AMBRA1: variants seen among roughly 807,000 people sequenced by gnomAD.
AMBRA1 encodes the protein autophagy and beclin 1 regulator 1.
AMBRA1 carries 47 observed loss-of-function variants against 125.4 expected under a neutral mutation model. The ratio of observed to expected loss-of-function variants is 0.37; its 90% CI spans 0.30 to 0.48. The LOEUF is 0.48. Ranked by LOEUF, AMBRA1 falls within the 20% of genes least tolerant of loss-of-function variation. The pLI, the probability that AMBRA1 is intolerant of heterozygous loss-of-function variation, is 0.99. For missense variants in AMBRA1, 1,331 were observed against 1,693.4 expected, an observed-to-expected ratio of 0.79 and a Z score of 3.76; for synonymous variants, 626 against 655.5, an observed-to-expected ratio of 0.95 and a Z score of 0.69.
chr11:46,416,132 A>C (rs1431930540), intron 15 of AMBRA1, among the ~76,000 whole-genome samples: 1 of 152,218 alleles, frequency 6.6e-6, no homozygotes, highest in Non-Finnish European at 1.5e-5. Context: ...CTGTAACTGA[A>C]GTGTAAGTAA....
intron 15 of AMBRA1, among the ~76,000 whole-genome samples, chr11:46,416,528 C>A (rs1946554415): frequency 6.6e-6 from 1 of 152,198 alleles, no homozygotes; most frequent in Non-Finnish European, 1.5e-5. Flanking sequence ...GTTTTCCTTT[C>A]TCCTAGGCCA....
intron 1 of AMBRA1, among the ~76,000 whole-genome samples, chr11:46,558,548 C>CA (rs58748629): frequency 0.019 from 748 of 38,676 alleles, 38 homozygotes; most frequent in Non-Finnish European, 0.019. Context: ...GACTCCCTCT[C>CA]AAAAAAAAAA....
intron 1 of AMBRA1, among the ~76,000 whole-genome samples, chr11:46,550,253 G>C (rs552069284): frequency 3.6e-4 from 55 of 152,324 alleles, no homozygotes; most frequent in African/African-American, 1.3e-3. Context: ...CAGCAGGTTA[G>C]GTCTAAAACC....
At chr11:46,516,830 C>G (rs1359387362) in intron 7 of AMBRA1, among the ~76,000 whole-genome samples, 1 of 152,084 alleles carries the variant, frequency 6.6e-6, no homozygotes, top group Non-Finnish European at 1.5e-5. Flanking sequence ...GCACATTCTG[C>G]TGTGACCACC....
intron 1 of AMBRA1, among the ~76,000 whole-genome samples, chr11:46,550,843 T>C (rs1418972775): frequency 2.6e-5 from 4 of 151,282 alleles, no homozygotes; most frequent in African/African-American, 7.3e-5. Context: ...TCCCAGCACT[T>C]TGGGAGGCCG....
At chr11:46,425,525 A>C (rs190050421) in intron 14 of AMBRA1, among the ~76,000 whole-genome samples, 3 of 152,204 alleles carry the variant, frequency 2.0e-5, no homozygotes, top group Admixed American at 2.0e-4. Flanking sequence ...GAACCTGGAG[A>C]AACTCACTGA....
chr11:46,437,205 C>T (rs1947766254), intron 12 of AMBRA1, among the ~76,000 whole-genome samples: 1 of 152,114 alleles, frequency 6.6e-6, no homozygotes, highest in Admixed American at 6.6e-5. Flanking sequence ...GGCTCTAAAA[C>T]CCCTTAAAAA....
chr11:46,494,221 C>T lies in AMBRA1; in HGVS notation c.2340-17G>A, dbSNP rs536434964. On this transcript the variant is annotated splice_polypyrimidine_tract_variant and intron_variant, in intron 9 of 17. Coordinates refer to ENST00000683756, the MANE Select transcript of AMBRA1 (RefSeq NM_001387011.1). The stretch of plus-strand genomic sequence containing the variant: ...CCATTGTCCCTGAAAAAAATAAAAA[C>T]ACTACACATAAGAGAGTCACTAAGG... The T allele has an allele frequency of 6.3e-7, 1 of 1,582,806 alleles. No individual in the cohort carries two copies. The highest frequency in any genetic ancestry group is 1.1e-5 in the South Asian group (1 of 86,960).
intron 17 of AMBRA1, among the ~76,000 whole-genome samples, chr11:46,403,184 C>A (rs1945845105): frequency 6.6e-6 from 1 of 152,204 alleles, no homozygotes; most frequent in Admixed American, 6.5e-5. Context: ...TCCCACCATG[C>A]CCTACAACCA....
rs556243969 is a variant in AMBRA1, at chr11:46,491,312, T to A, written c.2521+2296A>T. On this transcript the variant is annotated intron_variant, in intron 11 of 17. Transcript: ENST00000683756. ...GAGACTACTGGCTCCATTCTTCTAC[T>A]TCTTAGCTGCATTACTCTGGGCAAG... 2.0e-5 allele frequency: 3 copies of A among 152,344 alleles called. No individual in the cohort carries two copies. In the East Asian group the frequency reaches 5.8e-4, roughly 29 times the overall value. 9.4% of individuals were successfully genotyped at this position (152,344 alleles called of 1,614,324 possible). A position where few individuals can be genotyped will look rare whatever the true frequency, so the allele number is the denominator to read the frequency against.
intron 7 of AMBRA1, among the ~76,000 whole-genome samples, chr11:46,519,122 T>TA (rs1237236507): frequency 6.6e-6 from 1 of 152,176 alleles, no homozygotes; most frequent in Non-Finnish European, 1.5e-5. Context: ...TTCCTGTGCT[T>TA]AAGCAATTCT....
chr11:46,401,986 C>T (rs977278413), intron 17 of AMBRA1, among the ~76,000 whole-genome samples: 2 of 152,150 alleles, frequency 1.3e-5, no homozygotes, highest in Middle Eastern at 3.2e-3. Context: ...TGCAGGTACC[C>T]GGCAGCCCTG....
At chr11:46,558,265 A>G (rs78301726) in intron 1 of AMBRA1, among the ~76,000 whole-genome samples, 1 of 151,980 alleles carries the variant, frequency 6.6e-6, no homozygotes, top group South Asian at 2.1e-4. Flanking sequence ...TACTAACCTA[A>G]TATCACCGGG....
intron 8 of AMBRA1, among the ~76,000 whole-genome samples, chr11:46,511,819 TTC>T (rs1331682417): frequency 2.6e-5 from 4 of 152,214 alleles, no homozygotes; most frequent in Non-Finnish European, 5.9e-5. Flanking sequence ...TTGAAATAAC[TTC>T]TGTTTTGTTT....
chr11:46,553,239 G>A (rs912349398), intron 1 of AMBRA1, among the ~76,000 whole-genome samples: 12 of 151,792 alleles, frequency 7.9e-5, no homozygotes, highest in African/African-American at 1.9e-4. Flanking sequence ...CACCACGCCC[G>A]GCCACCATTC....
intron 9 of AMBRA1, chr11:46,495,253 G>C (rs1950592078): frequency 6.6e-6 from 1 of 152,326 alleles, no homozygotes; most frequent in South Asian, 2.1e-4. Context: ...CTTGATTTGG[G>C]ATATTTTCTG....
intron 7 of AMBRA1, among the ~76,000 whole-genome samples, chr11:46,516,298 G>T (rs1010068970): frequency 6.6e-6 from 1 of 151,748 alleles, no homozygotes; most frequent in South Asian, 2.1e-4. Flanking sequence ...GTTACAATAC[G>T]AGTACTATCT....
chr11:46,577,369 A>G (rs1341604916), intron 1 of AMBRA1, among the ~76,000 whole-genome samples: 1 of 152,222 alleles, frequency 6.6e-6, no homozygotes, highest in Non-Finnish European at 1.5e-5. Context: ...ACAAAAGATC[A>G]CATATTGTAT....
intron 7 of AMBRA1, among the ~76,000 whole-genome samples, chr11:46,524,254 C>G (rs540023812): frequency 2.2e-4 from 34 of 152,256 alleles, no homozygotes; most frequent in African/African-American, 7.9e-4. Flanking sequence ...GAGTGGAATG[C>G]CCCCCAGAAA....
Sources: gnomAD v4.1 joint callset for allele counts (sites outside exome capture counted in the v4.1 genomes callset) on GRCh38, gnomAD v4.1.1 for gene constraint, MANE v1.5 for transcripts, NCBI Gene and HGNC (gene_info 2026-07-23, HGNC 2026-07-21) for gene names.